COL8A1: variants seen among roughly 807,000 people sequenced by gnomAD.
The protein encoded by COL8A1 is collagen alpha-1(VIII) chain.
In COL8A1, 21 loss-of-function variants were observed where a neutral mutation model predicts 42.7. The observed-to-expected ratio is 0.49, with a 90% confidence interval of 0.35 to 0.71. The LOEUF (loss-of-function observed/expected upper bound fraction) is 0.71, where lower values mean the gene tolerates loss of function less well. Among genes scored for constraint, COL8A1 ranks in the 30% least tolerant of loss-of-function variants. The pLI is 0.01. For missense variants in COL8A1, 788 were observed against 962.4 expected, an observed-to-expected ratio of 0.82 and a Z score of 2.40; for synonymous variants, 367 against 369.1, an observed-to-expected ratio of 0.99 and a Z score of 0.06.
chr3:99,729,713 G>T (rs568429127), intron 1 of COL8A1, among the ~76,000 whole-genome samples: 8 of 152,094 alleles, frequency 5.3e-5, no homozygotes, highest in South Asian at 2.1e-4. Context: ...TCAGCCAAAG[G>T]CTTAAAGAGT....
At chr3:99,719,394 G>T (rs1425242336) in intron 1 of COL8A1, among the ~76,000 whole-genome samples, 2 of 152,084 alleles carry the variant, frequency 1.3e-5, no homozygotes, top group South Asian at 2.1e-4. Context: ...ACTGTTGAAT[G>T]AATAAGAAAT....
At chr3:99,750,809 T>C (rs1311311834) in intron 2 of COL8A1, among the ~76,000 whole-genome samples, 1 of 152,208 alleles carries the variant, frequency 6.6e-6, no homozygotes, top group Non-Finnish European at 1.5e-5. Flanking sequence ...AAAGTTGTAA[T>C]ACGGGCTGGT....
At chr3:99,669,971 G>C (rs1291644250) in intron 1 of COL8A1, among the ~76,000 whole-genome samples, 1 of 151,878 alleles carries the variant, frequency 6.6e-6, no homozygotes, top group Non-Finnish European at 1.5e-5. Flanking sequence ...GAGCCTTCTT[G>C]AACTACAAAA....
At chr3:99,671,465 T>A (rs1223003746) in intron 1 of COL8A1, among the ~76,000 whole-genome samples, 1 of 152,064 alleles carries the variant, frequency 6.6e-6, no homozygotes, top group African/African-American at 2.4e-5. Flanking sequence ...TACCTCATAT[T>A]TTTTGTGGAG....
intron 3 of COL8A1, among the ~76,000 whole-genome samples, chr3:99,792,500 G>A (rs1159982225): frequency 2.0e-5 from 3 of 152,208 alleles, no homozygotes; most frequent in Non-Finnish European, 2.9e-5. Flanking sequence ...GGCACAGCAT[G>A]TTCATTATAA....
intron 1 of COL8A1, among the ~76,000 whole-genome samples, chr3:99,705,495 G>A (rs774840843): frequency 3.3e-5 from 5 of 152,196 alleles, no homozygotes; most frequent in Non-Finnish European, 5.9e-5. Context: ...AGAAGGGACA[G>A]CAGACCCCTT....
At chr3:99,733,118 CTT>C (rs71130093) in intron 1 of COL8A1, among the ~76,000 whole-genome samples, 128 of 132,274 alleles carry the variant, frequency 9.7e-4, no homozygotes, top group Middle Eastern at 4.0e-3. Context: ...CAGCTTTTTT[CTT>C]TTTTTTTTTT....
At chr3:99,682,469 A>G (rs1179561385) in intron 1 of COL8A1, among the ~76,000 whole-genome samples, 1 of 152,124 alleles carries the variant, frequency 6.6e-6, no homozygotes, top group African/African-American at 2.4e-5. Flanking sequence ...TGCTTTTGTC[A>G]CAGTATTATA....
intron 1 of COL8A1, among the ~76,000 whole-genome samples, chr3:99,711,492 A>C (rs913177326): frequency 6.6e-6 from 1 of 152,174 alleles, no homozygotes; most frequent in African/African-American, 2.4e-5. Context: ...CTGCAAAACC[A>C]ATGTCAGTTC....
chr3:99,674,810 A>G (rs1464377355), intron 1 of COL8A1, among the ~76,000 whole-genome samples: 1 of 152,064 alleles, frequency 6.6e-6, no homozygotes, highest in Non-Finnish European at 1.5e-5. Context: ...TGCTACAGAG[A>G]CTTATTTATT....
chr3:99,756,591 G>A (rs1369914794), intron 2 of COL8A1, among the ~76,000 whole-genome samples: 2 of 152,168 alleles, frequency 1.3e-5, no homozygotes, highest in Admixed American at 6.6e-5. Flanking sequence ...TTAAATATCG[G>A]CCTGAGATTT....
chr3:99,733,748 A>G (rs1940604071), intron 1 of COL8A1, among the ~76,000 whole-genome samples: 1 of 151,338 alleles, frequency 6.6e-6, no homozygotes, highest in Non-Finnish European at 1.5e-5. Flanking sequence ...GGGTTGAACT[A>G]GTTTACAGTC....
At chr3:99,676,357 A>C (rs1205705734) in intron 1 of COL8A1, among the ~76,000 whole-genome samples, 1 of 152,136 alleles carries the variant, frequency 6.6e-6, no homozygotes, top group African/African-American at 2.4e-5. Context: ...CCTGGCAAGA[A>C]CATTACAAGA....
At chr3:99,673,816 T>C (rs928145998) in intron 1 of COL8A1, among the ~76,000 whole-genome samples, 3 of 152,054 alleles carry the variant, frequency 2.0e-5, no homozygotes, top group African/African-American at 7.2e-5. Context: ...TTGTGTGACG[T>C]GGGGAAGATT....
At chr3:99,687,573 A>G (rs1461233749) in intron 1 of COL8A1, among the ~76,000 whole-genome samples, 5 of 152,192 alleles carry the variant, frequency 3.3e-5, no homozygotes, top group African/African-American at 9.6e-5. Flanking sequence ...AGGAATATAT[A>G]CACTAGGTGC....
intron 1 of COL8A1, among the ~76,000 whole-genome samples, chr3:99,715,489 T>G (rs1485055330): frequency 6.6e-6 from 1 of 151,994 alleles, no homozygotes; most frequent in Non-Finnish European, 1.5e-5. Flanking sequence ...TGAGACTGGC[T>G]CCCCATGAAT....
chr3:99,794,197 C>A lies in COL8A1; in HGVS notation c.329-33C>A, dbSNP rs200166506. On this transcript the variant is annotated intron_variant, in intron 3 of 3. Coordinates refer to ENST00000652472, the MANE Select transcript of COL8A1 (RefSeq NM_020351.4). This position sits in a 1 kb window ranked among gnomAD's most constrained non-coding sequence, Gnocchi z 4.3. ...TACTAATCAATCTCTCTCTCTCCCC[C>A]CATACCCCTTCTCTCTCTTCTCTTC... 2 of 1,397,900 alleles carry A rather than the reference C, an allele frequency of 1.4e-6. No individual in the cohort carries two copies. Among genetic ancestry groups the A allele is most frequent in the African/African-American group, 1.4e-5 (1 of 69,304 alleles). 86.6% of individuals were successfully genotyped at this position (1,397,900 alleles called of 1,614,324 possible).
At chr3:99,639,219 A>G (rs947913827) in intron 1 of COL8A1, among the ~76,000 whole-genome samples, 2 of 152,206 alleles carry the variant, frequency 1.3e-5, no homozygotes, top group Non-Finnish European at 2.9e-5. Context: ...ACAGTAAGTA[A>G]TCAGGTGGCT....
rs371332185 is a variant in COL8A1, at chr3:99,707,953, G to A, written c.-128-36944G>A. On this transcript the variant is annotated intron_variant, in intron 1 of 3. Transcript: ENST00000652472. ...AGAGGCAGGGAGAGGTTAGGTGACC[G>A]CTTCAAAATCACACAGCCACTAAGT... Among the ~76,000 whole-genome samples the A allele has an allele frequency of 1.2e-4, 18 of 151,962 alleles. No individual in the cohort carries two copies. The East Asian group carries it at 2.3e-3, about 20-fold the overall frequency.
Sources: allele counts gnomAD v4.1 joint callset (sites outside exome capture counted in the v4.1 genomes callset), GRCh38; gene constraint gnomAD v4.1.1; non-coding constraint Gnocchi (gnomAD v3.1); transcripts MANE v1.5; gene names NCBI Gene and HGNC (gene_info 2026-07-23, HGNC 2026-07-21).